The following NOX4 variants were observed in gnomAD, a reference collection of about 807,000 sequenced individuals.
NOX4 encodes NADPH oxidase 4, also known as kidney oxidase-1.
NOX4 carries 69 observed loss-of-function variants against 87.6 expected under a neutral mutation model. The observed-to-expected ratio is 0.79, with a 90% CI of 0.65 to 0.96. The LOEUF is 0.96. Among genes scored for constraint, NOX4 ranks in the 40% least tolerant of loss-of-function variants. NOX4 has a pLI of 0.00. For synonymous variants in NOX4, 275 were observed against 238.2 expected (o/e 1.15, Z -1.42); for missense variants, 680 against 681.5 (o/e 1.00, Z 0.02).
At chr11:89,374,111 A>G (rs1164915208) in intron 11 of NOX4, among the ~76,000 whole-genome samples, 87 of 152,108 alleles carry the variant, frequency 5.7e-4, no homozygotes, top group Admixed American at 5.5e-3. Flanking sequence ...ACATCCAGGT[A>G]GTCAAAATGA....
At chr11:89,506,441 G>A in the NOX4 span, among the ~76,000 whole-genome samples, 2 of 151,486 alleles carry the variant, frequency 1.3e-5, no homozygotes, top group South Asian at 2.1e-4. Flanking sequence ...AACTCAAAAT[G>A]GATCATAGAC....
At chr11:89,565,951 T>A in the NOX4 span, among the ~76,000 whole-genome samples, 5 of 152,162 alleles carry the variant, frequency 3.3e-5, no homozygotes, top group Non-Finnish European at 5.9e-5. Context: ...AATACTGTAC[T>A]TTTTATGTAT....
intron 11 of NOX4, among the ~76,000 whole-genome samples, chr11:89,395,860 T>C (rs1178509921): frequency 6.6e-6 from 1 of 152,184 alleles, no homozygotes; most frequent in Non-Finnish European, 1.5e-5. Context: ...TCCATTGGTC[T>C]ATATCTCTGT....
chr11:89,411,587 G>A (rs373059034), intron 8 of NOX4, among the ~76,000 whole-genome samples: 2 of 152,160 alleles, frequency 1.3e-5, no homozygotes, highest in Non-Finnish European at 2.9e-5. Flanking sequence ...TAGCTACGCA[G>A]TACCTCACTG....
At chr11:89,348,374 C>T (rs1946306609) in intron 13 of NOX4, among the ~76,000 whole-genome samples, 2 of 151,694 alleles carry the variant, frequency 1.3e-5, no homozygotes, top group Non-Finnish European at 2.9e-5. Context: ...GAGATTGTAC[C>T]ATTGCACTCC....
rs1945202276 is a variant in NOX4, at chr11:89,325,903, A to ATG, written c.*852_*853insCA. On this transcript the variant is annotated 3_prime_UTR_variant, in exon 18 of 18. Coordinates refer to ENST00000263317, the MANE Select transcript of NOX4 (RefSeq NM_016931.5). ...TATATGTGTATATATATATATATAT[A>ATG]TATATATGTGTGTGTGTGTGTATAT... is the stretch of plus-strand genomic sequence containing the variant. The ATG allele has an allele frequency of 7.2e-6, 1 of 138,654 alleles. No individual in the cohort carries two copies. The highest frequency in any genetic ancestry group is 2.1e-4 in the South Asian group (1 of 4,678). 8.6% of individuals were successfully genotyped at this position (138,654 alleles called of 1,614,324 possible).
At chr11:89,542,356 A>G in the NOX4 span, among the ~76,000 whole-genome samples, 1 of 152,200 alleles carries the variant, frequency 6.6e-6, no homozygotes, top group African/African-American at 2.4e-5. Context: ...TAACTGGTCA[A>G]TCATTCAGAT....
chr11:89,459,605 A>C (rs1347556691), intron 2 of NOX4, among the ~76,000 whole-genome samples: 1 of 152,228 alleles, frequency 6.6e-6, no homozygotes, highest in Non-Finnish European at 1.5e-5. Context: ...CTTACAAGGG[A>C]TGTGAAGGAC....
intron 2 of NOX4, among the ~76,000 whole-genome samples, chr11:89,455,684 C>T (rs1337122174): frequency 6.7e-6 from 1 of 149,772 alleles, no homozygotes; most frequent in Non-Finnish European, 1.5e-5. Context: ...GAAGTGGTCA[C>T]TGAAAACTCC....
intron 6 of NOX4, among the ~76,000 whole-genome samples, chr11:89,434,292 T>C (rs1291256516): frequency 6.6e-6 from 1 of 152,028 alleles, no homozygotes; most frequent in Non-Finnish European, 1.5e-5. Context: ...AATAAGAGAA[T>C]TAGTCTATGG....
chr11:89,459,714 C>A (rs548934496), intron 2 of NOX4, among the ~76,000 whole-genome samples: 1 of 152,158 alleles, frequency 6.6e-6, no homozygotes, highest in South Asian at 2.1e-4. Context: ...GAATCAATAT[C>A]GTGAAAATGG....
At chr11:89,401,110 C>T (rs1941826197) in intron 9 of NOX4, among the ~76,000 whole-genome samples, 1 of 152,086 alleles carries the variant, frequency 6.6e-6, no homozygotes, top group East Asian at 1.9e-4. Flanking sequence ...CCCTTTGAGG[C>T]CTCCAACTAA....
chr11:89,463,189 TA>T (rs1361825877), intron 2 of NOX4, among the ~76,000 whole-genome samples: 1 of 151,942 alleles, frequency 6.6e-6, no homozygotes, highest in Non-Finnish European at 1.5e-5. Context: ...CATATAGCAA[TA>T]ATTCCTATTA....
At chr11:89,407,423 T>C (rs1205931927) in intron 8 of NOX4, among the ~76,000 whole-genome samples, 1 of 152,112 alleles carries the variant, frequency 6.6e-6, no homozygotes, top group Non-Finnish European at 1.5e-5. Context: ...TTTCATTATA[T>C]GATGTTCCAA....
chr11:89,549,850 A>G, the NOX4 span, among the ~76,000 whole-genome samples: 1 of 152,210 alleles, frequency 6.6e-6, no homozygotes, highest in Non-Finnish European at 1.5e-5. Flanking sequence ...ACGGCTGCAT[A>G]GTATTCCATG....
chr11:89,448,375 T>C (rs1205561669), intron 4 of NOX4, among the ~76,000 whole-genome samples: 1 of 152,162 alleles, frequency 6.6e-6, no homozygotes, highest in Non-Finnish European at 1.5e-5. Context: ...ATTTGAAAAG[T>C]ATCATCTAAA....
chr11:89,451,776 T>TTTTC lies in NOX4; in HGVS notation c.264+5_264+8dup, dbSNP rs772736262. On this transcript the variant is annotated intron_variant, in intron 3 of 17. Transcript: ENST00000263317. ...GCTGGAATTTGAAAGTAGGACTGTTTTTTCTTACCTTCTGTGATCCTCGGA... is the reference window on the plus strand; with the variant it reads ...GCTGGAATTTGAAAGTAGGACTGTTTTTTCTTTCTTACCTTCTGTGATCCTCGGA... 32 of 1,587,984 alleles carry TTTTC rather than the reference T, an allele frequency of 2.0e-5. No individual in the cohort carries two copies. In the African/African-American group the frequency reaches 4.0e-4, roughly 20 times the overall value.
intron 2 of NOX4, among the ~76,000 whole-genome samples, chr11:89,477,524 A>G (rs1306716043): frequency 6.6e-6 from 1 of 152,040 alleles, no homozygotes; most frequent in African/African-American, 2.4e-5. Flanking sequence ...CCGCTGAAAG[A>G]GTGGGATTGG....
chr11:89,348,448 A>T (rs1424160247), intron 13 of NOX4, among the ~76,000 whole-genome samples: 1 of 151,318 alleles, frequency 6.6e-6, no homozygotes, highest in Non-Finnish European at 1.5e-5. Context: ...TCTCTAAAAA[A>T]AAAACTATAT....
Sources: allele counts gnomAD v4.1 joint callset (sites outside exome capture counted in the v4.1 genomes callset), GRCh38; gene constraint gnomAD v4.1.1; transcripts MANE v1.5; gene names NCBI Gene and HGNC (gene_info 2026-07-23, HGNC 2026-07-21).